TTC28: variants seen among roughly 807,000 people sequenced by gnomAD.
The protein encoded by TTC28 is tetratricopeptide repeat domain 28.
A neutral mutation model predicts 198.0 loss-of-function variants in TTC28; 61 were observed. The observed-to-expected ratio is 0.31, with a 90% confidence interval of 0.25 to 0.38. The LOEUF (loss-of-function observed/expected upper bound fraction) is 0.38. Among genes scored for constraint, TTC28 ranks in the 10% least tolerant of loss-of-function variants. The pLI is 1.00. For synonymous variants in TTC28, 1,171 were observed against 1,297.8 expected (o/e 0.90, Z 2.10); for missense variants, 2,678 against 3,164.0 (o/e 0.85, Z 3.69).
At chr22:28,572,049 C>A (rs1158369577) in intron 2 of TTC28, among the ~76,000 whole-genome samples, 1 of 151,054 alleles carries the variant, frequency 6.6e-6, no homozygotes, top group East Asian at 2.0e-4. Flanking sequence ...TAAAGAATTG[C>A]TCAGCCCAGA....
chr22:28,333,908 T>C (rs1471063417), intron 2 of TTC28, among the ~76,000 whole-genome samples: 2 of 152,132 alleles, frequency 1.3e-5, no homozygotes, highest in Non-Finnish European at 2.9e-5. Context: ...CGTGCAGGTT[T>C]GTTACATATG....
At chr22:28,368,831 C>T (rs1044527006) in intron 2 of TTC28, among the ~76,000 whole-genome samples, 1 of 151,510 alleles carries the variant, frequency 6.6e-6, no homozygotes, top group Non-Finnish European at 1.5e-5. Context: ...TAGGAATTAC[C>T]CAAAGAAGTG....
At chr22:28,675,724 G>A (rs1364400043) in intron 1 of TTC28, among the ~76,000 whole-genome samples, 1 of 140,412 alleles carries the variant, frequency 7.1e-6, no homozygotes. Context: ...GGGCGACAGA[G>A]TGAAACCCTG....
At chr22:28,051,350 C>T (rs573156869) in intron 12 of TTC28, among the ~76,000 whole-genome samples, 1 of 152,252 alleles carries the variant, frequency 6.6e-6, no homozygotes, top group South Asian at 2.1e-4. Flanking sequence ...TCCTGTTTGC[C>T]TGCAGTATTT....
intron 5 of TTC28, among the ~76,000 whole-genome samples, chr22:28,167,639 C>G (rs1922155246): frequency 6.6e-6 from 1 of 152,196 alleles, no homozygotes; most frequent in South Asian, 2.1e-4. Flanking sequence ...GCTAAAATCT[C>G]TCTATAAATT....
chr22:28,130,676 G>C (rs1943040525), intron 6 of TTC28, among the ~76,000 whole-genome samples: 1 of 152,220 alleles, frequency 6.6e-6, no homozygotes. Context: ...TTGAAAACCA[G>C]CCTTGAAAGT....
intron 2 of TTC28, among the ~76,000 whole-genome samples, chr22:28,397,886 T>G (rs1478633810): frequency 6.6e-6 from 1 of 152,224 alleles, no homozygotes; most frequent in African/African-American, 2.4e-5. Flanking sequence ...TCCAGAGGGC[T>G]TTGAGTCCAG....
At chr22:28,269,799 TAAG>T (rs1385031377) in intron 5 of TTC28, among the ~76,000 whole-genome samples, 2 of 152,232 alleles carry the variant, frequency 1.3e-5, no homozygotes, top group African/African-American at 4.8e-5. Flanking sequence ...AAGTCTCACA[TAAG>T]AAGGGGACAA....
rs979949069 is a variant in TTC28, at chr22:27,985,534, G to A, written c.5708-178C>T. On this transcript the variant is annotated intron_variant, in intron 21 of 22. Coordinates refer to ENST00000397906, the MANE Select transcript of TTC28 (RefSeq NM_001145418.2). ...AGGTTGGTCATGTGGCAGAGGGGTC[G>A]GGCTGCCCCACCCAGAACATCCACT... Among the ~76,000 whole-genome samples, 7 of 152,282 alleles carry A rather than the reference G, an allele frequency of 4.6e-5. No homozygotes were observed. The East Asian group carries it at 1.2e-3, about 25-fold the overall frequency.
At chr22:28,364,469 T>A (rs2046211860) in intron 2 of TTC28, among the ~76,000 whole-genome samples, 1 of 152,162 alleles carries the variant, frequency 6.6e-6, no homozygotes, top group African/African-American at 2.4e-5. Context: ...ATTTAAAAAA[T>A]ACATTTTGTG....
chr22:28,319,395 G>A (rs1465314817), intron 2 of TTC28, among the ~76,000 whole-genome samples: 1 of 152,148 alleles, frequency 6.6e-6, no homozygotes, highest in Non-Finnish European at 1.5e-5. Flanking sequence ...ACTATTCCAA[G>A]AATTGGAGCC....
Position 27,983,738 on chromosome 22 carries a change from A to G in TTC28, c.5929T>C (p.Phe1977Leu). ...ALPLGYQQPP[F>L]SPTGADSIAS... is the part of the protein sequence containing the mutation. ...ATGCTGTCCGCACCGGTGGGAGAGA[A>G]GGGGGGTTGCTGGTAACCCAAGGGC... The change falls in exon 23 of 23, where the codon TTC becomes CTC. Residue 1977 changes from phenylalanine to leucine, a missense_variant. Phe to Leu is a conservative substitution (Grantham distance 22). This residue lies in a region of TTC28 where 622 missense variants were observed against 656.0 expected (regional missense o/e 0.95). Coordinates refer to ENST00000397906, the MANE Select transcript of TTC28 (RefSeq NM_001145418.2). 1.3e-6 allele frequency: 2 copies of G among 1,551,566 alleles called. No individual in the cohort carries two copies. Among genetic ancestry groups the G allele is most frequent in the Non-Finnish European group, 8.7e-7 (1 of 1,146,970 alleles).
At chr22:28,419,149 A>T (rs529566920) in intron 2 of TTC28, among the ~76,000 whole-genome samples, 1 of 152,326 alleles carries the variant, frequency 6.6e-6, no homozygotes, top group South Asian at 2.1e-4. Flanking sequence ...TACATAAGGA[A>T]TCATAACTAA....
intron 2 of TTC28, among the ~76,000 whole-genome samples, chr22:28,547,460 C>T (rs1000643639): frequency 6.6e-5 from 10 of 152,130 alleles, no homozygotes; most frequent in Non-Finnish European, 1.3e-4. Context: ...CATTAATAAA[C>T]GATGTAAAAC....
At chr22:28,634,591 T>C (rs370171099) in intron 1 of TTC28, among the ~76,000 whole-genome samples, 2,962 of 149,132 alleles carry the variant, frequency 0.02, 28 homozygotes, top group Non-Finnish European at 0.027. Context: ...TTCTTTTTTT[T>C]CTTTTTTTTT....
At chr22:28,184,090 T>A (rs375004261) in intron 5 of TTC28, among the ~76,000 whole-genome samples, 1 of 152,182 alleles carries the variant, frequency 6.6e-6, no homozygotes, top group South Asian at 2.1e-4. Context: ...TTAAGGAAGT[T>A]ACTCTCTCTG....
chr22:28,148,566 T>C (rs1460309108), intron 6 of TTC28, among the ~76,000 whole-genome samples: 2 of 151,248 alleles, frequency 1.3e-5, no homozygotes, highest in South Asian at 2.1e-4. Context: ...TGAGCCAAGA[T>C]TGCGTCACTG....
At chr22:28,308,525 A>C (rs1390315545) in intron 2 of TTC28, among the ~76,000 whole-genome samples, 1 of 152,170 alleles carries the variant, frequency 6.6e-6, no homozygotes, top group Non-Finnish European at 1.5e-5. Flanking sequence ...GAAGCAAAAC[A>C]TTACTTACTT....
chr22:28,173,181 A>G lies in TTC28; in HGVS notation c.934-9582T>C, dbSNP rs1014185966. Among the ~76,000 whole-genome samples the G allele has an allele frequency of 2.6e-5, 4 of 152,334 alleles. No individual in the cohort carries two copies. The East Asian group carries it at 7.7e-4, about 29-fold the overall frequency. ...CCGGTATTTTACAGCCCCTGGGCAAATAACATGTGATGATACTTATCAGCT... is the reference window on the plus strand; with the variant it reads ...CCGGTATTTTACAGCCCCTGGGCAAGTAACATGTGATGATACTTATCAGCT... On this transcript the variant is annotated intron_variant, in intron 5 of 22. Transcript: ENST00000397906.
Sources: allele counts gnomAD v4.1 joint callset (sites outside exome capture counted in the v4.1 genomes callset), GRCh38; gene constraint gnomAD v4.1.1; regional missense constraint gnomAD v4.1.1; transcripts MANE v1.5; gene names NCBI Gene and HGNC (gene_info 2026-07-23, HGNC 2026-07-21).